Variants in LRRC37A3 observed in about 807,000 individuals in gnomAD.
LRRC37A3 encodes the protein leucine-rich repeat-containing protein 37A3.
LRRC37A3 carries 25 observed loss-of-function variants against 106.2 expected under a neutral mutation model. That is an observed-to-expected ratio of 0.24 (90% CI 0.17 to 0.33). The LOEUF (loss-of-function observed/expected upper bound fraction) is 0.33. Among genes scored for constraint, LRRC37A3 ranks in the 10% least tolerant of loss-of-function variants. The probability of loss-of-function intolerance (pLI) is 1.00; values close to 1 mark genes in which losing one functional copy is unlikely to be tolerated. For missense variants in LRRC37A3, 712 were observed against 1,644.9 expected, an observed-to-expected ratio of 0.43 and a Z score of 9.81; for synonymous variants, 305 against 635.8, an observed-to-expected ratio of 0.48 and a Z score of 7.83.
At chr17:64,893,873 T>C (rs1420732925) in intron 4 of LRRC37A3, among the ~76,000 whole-genome samples, 1 of 148,448 alleles carries the variant, frequency 6.7e-6, no homozygotes, top group Admixed American at 6.6e-5. Flanking sequence ...AGGATGGTCT[T>C]GATCTCCTGA....
chr17:64,890,766 A>G (rs1259298565), intron 5 of LRRC37A3, among the ~76,000 whole-genome samples: 2 of 145,664 alleles, frequency 1.4e-5, no homozygotes, highest in Non-Finnish European at 2.9e-5. Context: ...CGGGAGGTGG[A>G]GGTTGCAGTG....
At chr17:64,919,108 G>A (rs1015572210) in intron 1 of LRRC37A3, among the ~76,000 whole-genome samples, 2 of 151,660 alleles carry the variant, frequency 1.3e-5, no homozygotes, top group South Asian at 2.1e-4. Flanking sequence ...CTGGGCGGCG[G>A]CCCACCTGCC....
chr17:64,873,833 T>A (rs1214249461), intron 8 of LRRC37A3, among the ~76,000 whole-genome samples: 1 of 152,190 alleles, frequency 6.6e-6, no homozygotes, highest in African/African-American at 2.4e-5. Context: ...GTACACATAA[T>A]GAGCATCCCA....
intron 2 of LRRC37A3, among the ~76,000 whole-genome samples, chr17:64,902,235 A>G (rs1295251271): frequency 6.6e-6 from 1 of 151,680 alleles, no homozygotes; most frequent in East Asian, 2.0e-4. Context: ...GAGATATTAA[A>G]TATCTTCAAA....
chr17:64,915,268 C>G (rs1302883365), intron 2 of LRRC37A3, among the ~76,000 whole-genome samples: 1 of 142,588 alleles, frequency 7.0e-6, no homozygotes, highest in Admixed American at 6.6e-5. Flanking sequence ...CTTAAGGAAA[C>G]AGTGAAAAAA....
chr17:64,881,235 T>A (rs1030843895), intron 8 of LRRC37A3: 1 of 697,024 alleles, frequency 1.4e-6, no homozygotes, highest in African/African-American at 1.8e-5. Context: ...CCTTTTTCTT[T>A]TCTTTTCTTT....
chr17:64,858,871 G>T lies in LRRC37A3; in HGVS notation c.4717C>A (p.Leu1573Ile). The T allele has an allele frequency of 4.4e-6, 7 of 1,594,440 alleles. No homozygotes were observed. The highest frequency in any genetic ancestry group is 6.0e-6 in the Non-Finnish European group (7 of 1,167,930). The change falls in exon 13 of 15, where the codon CTT becomes ATT. Residue 1573 changes from leucine (L) to isoleucine (I), a missense_variant. By Grantham distance (5) the Leu-to-Ile change is conservative (BLOSUM62 2). Transcript: ENST00000584306. ...KEKSLEFTKELPGYGYTKKLI... is the reference protein window; with the variant it reads ...KEKSLEFTKEIPGYGYTKKLI... ...TTTTTGGTATAGCCATATCCTGGAA[G>T]TTCTTTTGTGAACTAAAAAAAAAAA...
rs1432140313 is a variant in LRRC37A3 at position 64,866,608 on chromosome 17, ATATATATATATATATATATATTT to A, written c.3053+1831_3053+1853del. 2.6e-4 allele frequency among the ~76,000 whole-genome samples: 5 copies of A among 19,394 alleles called. 1 individual carries two copies. Among genetic ancestry groups the A allele is most frequent in the South Asian group, 4.0e-3 (2 of 500 alleles). 12.7% of individuals were successfully genotyped at this position (19,394 alleles called of 152,430 possible). A position where few individuals can be genotyped will look rare whatever the true frequency, so the allele number is the denominator to read the frequency against. ...CACGTACATATATATATATATATAT[ATATATATATATATATATATATTT>A]TTTTTTTTTTTTTTTTTTAGACAGG... On this transcript the variant is annotated intron_variant, in intron 10 of 14. Coordinates refer to ENST00000584306, the MANE Select transcript of LRRC37A3 (RefSeq NM_199340.5).
chr17:64,910,511 T>C (rs1198054955), intron 2 of LRRC37A3, among the ~76,000 whole-genome samples: 1 of 152,208 alleles, frequency 6.6e-6, no homozygotes, highest in Non-Finnish European at 1.5e-5. Flanking sequence ...CATGCCAAGA[T>C]TGAACCCCAG....
intron 8 of LRRC37A3, among the ~76,000 whole-genome samples, chr17:64,870,169 C>A (rs1973266141): frequency 6.6e-6 from 1 of 150,714 alleles, no homozygotes; most frequent in Non-Finnish European, 1.5e-5. Flanking sequence ...TGGCTCACTG[C>A]AATCTCCGCC....
At position 64,866,559 on chromosome 17, in the gene LRRC37A3, C is replaced by T. The variant is rs1353347241; in HGVS notation, c.3053+1903G>A. 8.5e-5 allele frequency among the ~76,000 whole-genome samples: 7 copies of T among 82,320 alleles called. No homozygotes were observed. The East Asian group carries it at 1.7e-3, about 20-fold the overall frequency. 54.0% of individuals were successfully genotyped at this position (82,320 alleles called of 152,430 possible). ...GCATATATATACATATATACACGTA[C>T]ATATATATATATATACATATATACA... On this transcript the variant is annotated intron_variant, in intron 10 of 14. Transcript: ENST00000584306.
rs533156293 is a variant in LRRC37A3, at chr17:64,861,097, G to A, written c.3173-124C>T. On this transcript the variant is annotated intron_variant, in intron 11 of 14. Transcript: ENST00000584306. ...CAAACATTCGAGTGCCATTCAGAGA[G>A]GAGAAACACACACTCAATCCTAAAC... is the stretch of plus-strand genomic sequence containing the variant. The A allele has an allele frequency of 5.0e-4, 739 of 1,491,862 alleles. 10 individuals are homozygous for A. The South Asian group carries it at 7.9e-3, about 16-fold the overall frequency. 92.4% of individuals were successfully genotyped at this position (1,491,862 alleles called of 1,614,324 possible). A position where few individuals can be genotyped will look rare whatever the true frequency, so the allele number is the denominator to read the frequency against.
At chr17:64,866,628 A>ATATATAT (rs1491179388) in intron 10 of LRRC37A3, among the ~76,000 whole-genome samples, 19 of 17,870 alleles carry the variant, frequency 1.1e-3, no homozygotes, top group Non-Finnish European at 1.4e-3. Context: ...ATATATATAT[A>ATATATAT]TTTTTTTTTT....
At chr17:64,916,921 C>T (rs1022271616) in intron 2 of LRRC37A3, among the ~76,000 whole-genome samples, 3 of 150,516 alleles carry the variant, frequency 2.0e-5, no homozygotes, top group African/African-American at 4.9e-5. Flanking sequence ...GAAGCTACCA[C>T]CATATACTTA....
At chr17:64,867,132 A>G (rs1190764941) in intron 10 of LRRC37A3, among the ~76,000 whole-genome samples, 1 of 151,628 alleles carries the variant, frequency 6.6e-6, no homozygotes. Context: ...AAGCCATTTA[A>G]GAAAAAAATG....
intron 2 of LRRC37A3, among the ~76,000 whole-genome samples, chr17:64,917,584 TAAAG>T (rs1363784000): frequency 6.6e-6 from 1 of 151,744 alleles, no homozygotes; most frequent in Non-Finnish European, 1.5e-5. Context: ...TACTCAGCAA[TAAAG>T]AAACTACTGA....
At chr17:64,870,993 C>T (rs1973294620) in intron 8 of LRRC37A3, among the ~76,000 whole-genome samples, 1 of 151,542 alleles carries the variant, frequency 6.6e-6, no homozygotes. Context: ...CCTCAGTCTC[C>T]CAAATAGCTG....
chr17:64,866,589 CATATATATATAT>C lies in LRRC37A3; in HGVS notation c.3053+1861_3053+1872del, dbSNP rs1212670512. ...ATATATATATACATATATACACGTA[CATATATATATAT>C]ATATATATATATATATATATATATA... On this transcript the variant is annotated intron_variant, in intron 10 of 14. Coordinates refer to ENST00000584306, the MANE Select transcript of LRRC37A3 (RefSeq NM_199340.5). Among the ~76,000 whole-genome samples, 55 of 24,142 alleles carry C rather than the reference CATATATATATAT, an allele frequency of 2.3e-3. 3 individuals are homozygous for C. Among genetic ancestry groups the C allele is most frequent in the East Asian group, 9.6e-3 (4 of 418 alleles). 15.8% of individuals were successfully genotyped at this position (24,142 alleles called of 152,430 possible).
intron 2 of LRRC37A3, among the ~76,000 whole-genome samples, chr17:64,913,338 T>G (rs1305612063): frequency 1.1e-4 from 11 of 95,932 alleles, no homozygotes; most frequent in South Asian, 2.5e-4. Context: ...CTATTTTGGG[T>G]TTTTTTTTTT....
Sources: allele counts gnomAD v4.1 joint callset (sites outside exome capture counted in the v4.1 genomes callset), GRCh38; gene constraint gnomAD v4.1.1; transcripts MANE v1.5; gene names NCBI Gene and HGNC (gene_info 2026-07-23, HGNC 2026-07-21).